Variants in ADGRV1 observed in about 807,000 individuals in gnomAD.
ADGRV1 encodes the protein G-protein coupled receptor 98.
A neutral mutation model predicts 596.2 loss-of-function variants in ADGRV1; 359 were observed. The ratio of observed to expected loss-of-function variants is 0.60; its 90% confidence interval spans 0.55 to 0.66. The LOEUF (loss-of-function observed/expected upper bound fraction) is 0.66. Ranked by LOEUF, ADGRV1 falls within the 30% of genes least tolerant of loss-of-function variation. ADGRV1 has a pLI of 0.00. For missense variants in ADGRV1, 7,274 were observed against 7,575.6 expected (o/e 0.96, Z 1.48); for synonymous variants, 2,681 against 2,679.2 (o/e 1.00, Z -0.02).
At chr5:91,073,581 TA>T (rs1788577508) in intron 86 of ADGRV1, among the ~76,000 whole-genome samples, 1 of 152,364 alleles carries the variant, frequency 6.6e-6, no homozygotes, top group South Asian at 2.1e-4. Context: ...ATTTTCCTTG[TA>T]GTATAAAGAA....
intron 85 of ADGRV1, among the ~76,000 whole-genome samples, chr5:91,053,194 T>C (rs2151315583): frequency 6.6e-6 from 1 of 152,318 alleles, no homozygotes; most frequent in African/African-American, 2.4e-5. Flanking sequence ...ATCCTTATAT[T>C]ACAGCTCTCT....
chr5:90,909,301 G>T (rs1306267945), intron 83 of ADGRV1, among the ~76,000 whole-genome samples: 3 of 152,122 alleles, frequency 2.0e-5, no homozygotes, highest in Non-Finnish European at 4.4e-5. Context: ...CTGAGTCCTT[G>T]ATCTTTTGAC....
At chr5:91,083,283 C>T (rs1190419255) in intron 86 of ADGRV1, among the ~76,000 whole-genome samples, 1 of 151,964 alleles carries the variant, frequency 6.6e-6, no homozygotes, top group Non-Finnish European at 1.5e-5. Flanking sequence ...AGGAGATATA[C>T]CTAATGTAAA....
In ADGRV1 at chr5:90,823,467, C is replaced by T. The variant is rs1019134495; in HGVS notation, c.16239C>T (p.Asn5413=). ...DVKVFWRVTL[N]KTVVVLQKDG... ...AGGTCTTTTGGCGAGTCACACTTAA[C>T]AAAACAGTCGTCGTGCTCCAGAAGG... Residue 5413 remains asparagine, a synonymous_variant, in exon 76 of 90, where the codon AAC becomes AAT. Coordinates refer to ENST00000405460, the MANE Select transcript of ADGRV1 (RefSeq NM_032119.4). 5 of 1,613,762 alleles carry T rather than the reference C, an allele frequency of 3.1e-6. No individual in the cohort carries two copies. In the African/African-American group the frequency reaches 4.0e-5, roughly 13 times the overall value.
intron 83 of ADGRV1, among the ~76,000 whole-genome samples, chr5:90,950,105 G>A (rs1776933389): frequency 6.6e-6 from 1 of 152,104 alleles, no homozygotes. Flanking sequence ...ATGTAGTAAT[G>A]AACAGACTTT....
chr5:90,569,827 A>G (rs1032937833), intron 1 of ADGRV1, among the ~76,000 whole-genome samples: 1 of 151,976 alleles, frequency 6.6e-6, no homozygotes, highest in Admixed American at 6.6e-5. Flanking sequence ...GCGTGCAATA[A>G]TTTTGCTCCT....
chr5:90,705,652 C>G, intron 37 of ADGRV1, 73 bp downstream of exon 37: 1 of 1,206,450 alleles, frequency 8.3e-7, no homozygotes, highest in Non-Finnish European at 1.2e-6. Flanking sequence ...TGGATGAAAG[C>G]CATTGCTAAA....
At chr5:90,603,210 G>A (rs1391162202) in intron 1 of ADGRV1, among the ~76,000 whole-genome samples, 2 of 152,184 alleles carry the variant, frequency 1.3e-5, no homozygotes, top group Non-Finnish European at 2.9e-5. Context: ...CAGAACATCA[G>A]AAGCCCCAAC....
intron 29 of ADGRV1, among the ~76,000 whole-genome samples, chr5:90,688,349 T>G (rs937462963): frequency 6.6e-6 from 1 of 152,100 alleles, no homozygotes; most frequent in Admixed American, 6.6e-5. Flanking sequence ...CATATGTTGA[T>G]TTTACAATTT....
chr5:90,929,470 A>C (rs886781228), intron 83 of ADGRV1: 1 of 152,158 alleles, frequency 6.6e-6, no homozygotes, highest in African/African-American at 2.4e-5. Flanking sequence ...AAGTGAGGCA[A>C]TGCCTCGCCC....
chr5:91,113,919 A>G (rs1792611418), intron 87 of ADGRV1, among the ~76,000 whole-genome samples: 1 of 150,534 alleles, frequency 6.6e-6, no homozygotes. Context: ...ACTGCATCTC[A>G]AAAAAAGAGA....
chr5:90,727,803 C>A (rs1188788034), intron 48 of ADGRV1, among the ~76,000 whole-genome samples: 1 of 152,174 alleles, frequency 6.6e-6, no homozygotes, highest in Non-Finnish European at 1.5e-5. Flanking sequence ...TCTCATCATT[C>A]TCCCAGCACT....
chr5:90,631,014 G>C (rs1765430140), intron 9 of ADGRV1, among the ~76,000 whole-genome samples: 1 of 152,164 alleles, frequency 6.6e-6, no homozygotes, highest in African/African-American at 2.4e-5. Context: ...AAACAAATGT[G>C]CTGAAAGTAT....
At chr5:90,778,658 A>C (rs554613087) in intron 63 of ADGRV1, 49 bp downstream of exon 63, 38 of 1,406,550 alleles carry the variant, frequency 2.7e-5, no homozygotes, top group Non-Finnish European at 3.5e-5. Context: ...ATTTTTAGAT[A>C]TGAAAATGTT....
chr5:91,097,900 C>G (rs1791015796), intron 86 of ADGRV1, among the ~76,000 whole-genome samples: 1 of 152,088 alleles, frequency 6.6e-6, no homozygotes, highest in East Asian at 1.9e-4. Flanking sequence ...GTCCATGTTT[C>G]AAATGGATTG....
chr5:91,060,378 GTA>G (rs199745758), intron 85 of ADGRV1, among the ~76,000 whole-genome samples: 22 of 77,096 alleles, frequency 2.9e-4, no homozygotes, highest in African/African-American at 4.1e-4. Flanking sequence ...ATGTGTGTGT[GTA>G]TATATATATA....
At chr5:90,934,349 C>T (rs1775502215) in intron 83 of ADGRV1, among the ~76,000 whole-genome samples, 1 of 152,116 alleles carries the variant, frequency 6.6e-6, no homozygotes, top group Admixed American at 6.5e-5. Context: ...GAGACTACAA[C>T]AGATGAAAAG....
chr5:90,767,964 A>G (rs1167190816), intron 59 of ADGRV1, among the ~76,000 whole-genome samples: 1 of 152,220 alleles, frequency 6.6e-6, no homozygotes, highest in African/African-American at 2.4e-5. Context: ...TGCCCTAGCC[A>G]TGATCTGAAA....
At chr5:91,141,488 CAGTT>C (rs1349540564) in intron 87 of ADGRV1, among the ~76,000 whole-genome samples, 3 of 152,016 alleles carry the variant, frequency 2.0e-5, no homozygotes, top group East Asian at 1.9e-4. Context: ...ATTTAATACA[CAGTT>C]AGATTGTGGA....
Sources: allele counts gnomAD v4.1 joint callset (sites outside exome capture counted in the v4.1 genomes callset), GRCh38; gene constraint gnomAD v4.1.1; transcripts MANE v1.5; gene names NCBI Gene and HGNC (gene_info 2026-07-23, HGNC 2026-07-21).